Variants in NPC1L1 observed in about 807,000 individuals in gnomAD.
NPC1L1 encodes NPC1 like intracellular cholesterol transporter 1.
In NPC1L1, 98 loss-of-function variants were observed where a neutral mutation model predicts 117.0. That is an observed-to-expected ratio of 0.84 (90% CI 0.71 to 0.99). The LOEUF (loss-of-function observed/expected upper bound fraction) is 0.99. NPC1L1 is among the 50% of genes least tolerant of loss of function. The pLI, the probability that NPC1L1 is intolerant of heterozygous loss-of-function variation, is 0.00. For missense variants in NPC1L1, 1,540 were observed against 1,710.0 expected (o/e 0.90, Z 1.75); for synonymous variants, 729 against 727.6 (o/e 1.00, Z -0.03).
rs1467221939 is a variant in NPC1L1 at position 44,540,066 on chromosome 7, T to G, written c.331A>C (p.Thr111Pro). The change falls in exon 2 of 19, where the codon ACC becomes CCC. Residue 111 changes from threonine to proline, a missense_variant. This residue lies in a region of NPC1L1 where 793 missense variants were observed against 820.4 expected (regional missense o/e 0.97). Coordinates refer to ENST00000381160, the MANE Select transcript of NPC1L1 (RefSeq NM_001101648.2). ...TTGTCAGAGCAGGCTGGGCAGCGGGTGAGGAGGGCCTTGGTGATCGACAGA... is the reference window on the plus strand; with the variant it reads ...TTGTCAGAGCAGGCTGGGCAGCGGGGGAGGAGGGCCTTGGTGATCGACAGA... ...ASLSITKALL[T>P]RCPACSDNFV... 1 of 1,613,964 alleles carries G rather than the reference T, an allele frequency of 6.2e-7. No homozygotes were observed. The highest frequency in any genetic ancestry group is 8.5e-7 in the Non-Finnish European group (1 of 1,179,972).
Position 44,513,017 on chromosome 7 carries a change from A to G in NPC1L1, c.*430T>C. The stretch of plus-strand genomic sequence containing the variant: ...CCTCCTGTGATATCACACCCAGGGT[A>G]GTGGTCATTGTCTGTGTTCTCAGGG... On this transcript the variant is annotated 3_prime_UTR_variant, in exon 19 of 19. Transcript: ENST00000381160. The G allele has an allele frequency of 3.8e-6, 1 of 264,002 alleles. No individual in the cohort carries two copies. The highest frequency in any genetic ancestry group is 7.6e-6 in the Non-Finnish European group (1 of 132,396). The allele number at this position is 264,002 out of a possible 1,614,324, so 16.4% of individuals were successfully genotyped here.
chr7:44,518,509 T>C (rs1402750265), intron 14 of NPC1L1: 1 of 252,890 alleles, frequency 4.0e-6, no homozygotes, highest in African/African-American at 2.3e-5. Flanking sequence ...CCTCTATTAA[T>C]AATACAAAAA....
chr7:44,522,935 T>C (rs1801405340), intron 10 of NPC1L1, among the ~76,000 whole-genome samples: 2 of 152,230 alleles, frequency 1.3e-5, no homozygotes, highest in South Asian at 4.1e-4. Context: ...GGCATCCTCA[T>C]GGTCTGCTCC....
chr7:44,515,756 G>C (rs769370102), intron 18 of NPC1L1, 47 bp downstream of exon 18: 1 of 1,611,826 alleles, frequency 6.2e-7, no homozygotes, highest in African/African-American at 1.3e-5. Flanking sequence ...TACTGTTGTC[G>C]TCAGCATAAT....
At position 44,539,470 on chromosome 7, in the gene NPC1L1, G is replaced by A. The variant is rs1017546573; in HGVS notation, c.927C>T (p.Pro309=). Residue 309 remains proline, a synonymous_variant, in exon 2 of 19, where the codon CCC becomes CCT. Coordinates refer to ENST00000381160, the MANE Select transcript of NPC1L1 (RefSeq NM_001101648.2). This position sits in a 1 kb window ranked among gnomAD's most constrained non-coding sequence, Gnocchi z 4.4. The part of the protein sequence containing the change: ...TILLVGFRVA[P]ARDKSKMVDP... ...CCACCATCTTGCTTTTGTCCCTGGC[G>A]GGGGCCACACGGAATCCCACAAGCA... 1.2e-5 allele frequency: 19 copies of A among 1,613,962 alleles called. No homozygotes were observed. Among genetic ancestry groups the A allele is most frequent in the East Asian group, 4.5e-5 (2 of 44,858 alleles).
Position 44,538,423 on chromosome 7 carries a change from C to G in NPC1L1, c.1580+394G>C, listed in dbSNP as rs1801966130. Among the ~76,000 whole-genome samples the G allele has an allele frequency of 6.6e-6, 1 of 152,260 alleles. No homozygotes were observed. On this transcript the variant is annotated intron_variant, in intron 2 of 18. Coordinates refer to ENST00000381160, the MANE Select transcript of NPC1L1 (RefSeq NM_001101648.2). This position sits in a 1 kb window ranked among gnomAD's most constrained non-coding sequence, Gnocchi z 5.9. ...TGGTACCTCATGGGTTACTGATGGC[C>G]CTACGGCCCCTGGCACAGAAACAAG...
In NPC1L1 at chr7:44,536,317, T is replaced by C; in HGVS notation, c.1793A>G (p.Glu598Gly). Reference protein sequence around the residue: ...QAKLWEEAFLEEMRAFQRRMA... With the variant: ...QAKLWEEAFLGEMRAFQRRMA... Reference sequence around the variant, plus strand: ...CCGACGCTGGAAGGCTCGCATTTCCTCTAAGAAGGCCTCCTCCCACAGCTT... The same window carrying C: ...CCGACGCTGGAAGGCTCGCATTTCCCCTAAGAAGGCCTCCTCCCACAGCTT... Residue 598 changes from glutamate (E) to glycine (G), a missense_variant, in exon 4 of 19, where the codon GAG (glutamate) becomes GGG (glycine). Physicochemically the swap from Glu to Gly is moderately conservative, Grantham distance 98. This residue lies in a region of NPC1L1 where 793 missense variants were observed against 820.4 expected (regional missense o/e 0.97). Coordinates refer to ENST00000381160, the MANE Select transcript of NPC1L1 (RefSeq NM_001101648.2). This position sits in a 1 kb window ranked among gnomAD's most constrained non-coding sequence, Gnocchi z 4.7. 1 of 1,614,240 alleles carries C rather than the reference T, an allele frequency of 6.2e-7. No homozygotes were observed. Among genetic ancestry groups the C allele is most frequent in the Non-Finnish European group, 8.5e-7 (1 of 1,180,040 alleles).
Position 44,536,992 on chromosome 7 carries a change from G to C in NPC1L1, c.1581-50C>G. 1.3e-6 allele frequency: 2 copies of C among 1,507,286 alleles called. No homozygotes were observed. The highest frequency in any genetic ancestry group is 1.8e-6 in the Non-Finnish European group (2 of 1,094,110). The allele number at this position is 1,507,286 out of a possible 1,614,324, so 93.4% of individuals were successfully genotyped here. A position where few individuals can be genotyped will look rare whatever the true frequency, so the allele number is the denominator to read the frequency against. On this transcript the variant is annotated intron_variant, in intron 2 of 18. Coordinates refer to ENST00000381160, the MANE Select transcript of NPC1L1 (RefSeq NM_001101648.2). This position sits in a 1 kb window ranked among gnomAD's most constrained non-coding sequence, Gnocchi z 4.7. ...AAAGGGCCTTTCCTGGCCCTGCCCA[G>C]TCCCTATGGCCCCTCCCTTCCCCTC... is the stretch of plus-strand genomic sequence containing the variant.
chr7:44,514,127 C>T (rs911763138), intron 18 of NPC1L1, among the ~76,000 whole-genome samples: 9 of 152,164 alleles, frequency 5.9e-5, no homozygotes, highest in Admixed American at 3.9e-4. Flanking sequence ...GATAATAATA[C>T]CTGCCTCGGG....
chr7:44,521,111 C>T lies in NPC1L1; in HGVS notation c.2961G>A (p.Leu987=). Residue 987 remains leucine (L), a synonymous_variant, in exon 13 of 19, where the codon CTG becomes CTA. Transcript: ENST00000381160. Reference sequence around the variant, plus strand: ...TGCTCATGCAGTTCTTTAGGCAGTTCAGAGAGTCTGCAGAGAAAGCAGGGG... The same window carrying T: ...TGCTCATGCAGTTCTTTAGGCAGTTTAGAGAGTCTGCAGAGAAAGCAGGGG... ...DKFCPSTVNS[L]NCLKNCMSIT... 1 of 1,614,136 alleles carries T rather than the reference C, an allele frequency of 6.2e-7. No homozygotes were observed. Among genetic ancestry groups the T allele is most frequent in the Non-Finnish European group, 8.5e-7 (1 of 1,180,032 alleles).
rs138892205 is a variant in NPC1L1 at position 44,533,826 on chromosome 7, G to A, written c.2194C>T (p.Arg732Ter). 1.2e-5 allele frequency: 20 copies of A among 1,613,054 alleles called. No individual in the cohort carries two copies. The highest frequency in any genetic ancestry group is 1.0e-4 in the Admixed American group (6 of 59,918). ...QRLPRRPGEP[R>*]EVHIGRALGR... ...AGGGCTCGCCCAATGTGGACCTCTC[G>A]TGGCTCCCCAGGCCTCCGGGGCAGC... Residue 732 changes from arginine (R) to a stop codon, truncating the protein, a stop_gained, in exon 7 of 19, where the codon CGA becomes TGA. Transcript: ENST00000381160. LOFTEE classifies it high-confidence loss of function.
At chr7:44,529,549 T>C (rs1801633050) in intron 10 of NPC1L1, among the ~76,000 whole-genome samples, 1 of 151,726 alleles carries the variant, frequency 6.6e-6, no homozygotes, top group Non-Finnish European at 1.5e-5. Context: ...CAGTTAACTT[T>C]GTATTTTTAG....
intron 10 of NPC1L1, among the ~76,000 whole-genome samples, chr7:44,528,792 G>C (rs2117050203): frequency 6.6e-6 from 1 of 152,294 alleles, no homozygotes; most frequent in South Asian, 2.1e-4. Flanking sequence ...AGTAGGACCA[G>C]GCATGGTGGC....
rs1801965966 is a variant in NPC1L1 at position 44,538,415 on chromosome 7, C to T, written c.1580+402G>A. Among the ~76,000 whole-genome samples, 1 of 152,268 alleles carries T rather than the reference C, an allele frequency of 6.6e-6. No homozygotes were observed. Among genetic ancestry groups the T allele is most frequent in the Non-Finnish European group, 1.5e-5 (1 of 68,048 alleles). On this transcript the variant is annotated intron_variant, in intron 2 of 18. Transcript: ENST00000381160. The surrounding 1 kb of genome is among the most constrained non-coding windows in gnomAD (Gnocchi z 5.9). ...GCATACCATGGTACCTCATGGGTTA[C>T]TGATGGCCCTACGGCCCCTGGCACA...
intron 1 of NPC1L1, 83 bp from the exon 2 acceptor site, chr7:44,540,425 G>A: frequency 1.6e-6 from 2 of 1,268,698 alleles, no homozygotes; most frequent in East Asian, 2.4e-5. Context: ...AGGGTGTGAG[G>A]GTAAGAAGGA....
chr7:44,533,094 A>G (rs978836186), intron 8 of NPC1L1: 2 of 306,280 alleles, frequency 6.5e-6, no homozygotes, highest in Admixed American at 8.9e-5. Flanking sequence ...TGACAGAGTG[A>G]AACTCCGTCT....
At chr7:44,528,896 C>T (rs985531297) in intron 10 of NPC1L1, among the ~76,000 whole-genome samples, 17 of 151,768 alleles carry the variant, frequency 1.1e-4, no homozygotes, top group African/African-American at 3.1e-4. Context: ...TGGTGAAACC[C>T]TGTCTCTACA....
At chr7:44,533,900 C>G (rs370910299) in intron 6 of NPC1L1, 47 bp from the exon 7 acceptor site, 1 of 1,510,080 alleles carries the variant, frequency 6.6e-7, no homozygotes, top group African/African-American at 1.4e-5. Context: ...CCAAGGGCAC[C>G]GCCCCTCAAA....
At chr7:44,515,740 C>T (rs997315681) in intron 18 of NPC1L1, 63 bp downstream of exon 18, 33 of 1,601,056 alleles carry the variant, frequency 2.1e-5, no homozygotes, top group Non-Finnish European at 2.7e-5. Context: ...GGTGAGCATG[C>T]ACTGTTACTG....
Sources: allele counts gnomAD v4.1 joint callset (sites outside exome capture counted in the v4.1 genomes callset), GRCh38; gene constraint gnomAD v4.1.1; regional missense constraint gnomAD v4.1.1; non-coding constraint Gnocchi (gnomAD v3.1); transcripts MANE v1.5; gene names NCBI Gene and HGNC (gene_info 2026-07-23, HGNC 2026-07-21).